JMJD1C: variants seen among roughly 807,000 people sequenced by gnomAD.
The protein encoded by JMJD1C is jumonji domain-containing protein 1C.
JMJD1C carries 31 observed loss-of-function variants against 245.3 expected under a neutral mutation model. That is an observed-to-expected ratio of 0.13 (90% confidence interval 0.09 to 0.17). The LOEUF is 0.17. JMJD1C is among the 10% of genes least tolerant of loss of function. JMJD1C has a pLI of 1.00. For missense variants in JMJD1C, 2,691 were observed against 3,000.2 expected, an observed-to-expected ratio of 0.90 and a Z score of 2.41; for synonymous variants, 1,057 against 1,017.4, an observed-to-expected ratio of 1.04 and a Z score of -0.74.
At chr10:63,383,264 T>A (rs1001097171) in intron 1 of JMJD1C, among the ~76,000 whole-genome samples, 1 of 151,376 alleles carries the variant, frequency 6.6e-6, no homozygotes, top group African/African-American at 2.4e-5. Flanking sequence ...ACTAAAGATA[T>A]TCATTAAAGC....
At chr10:63,316,153 T>G (rs150605907) in intron 2 of JMJD1C, among the ~76,000 whole-genome samples, 1 of 152,170 alleles carries the variant, frequency 6.6e-6, no homozygotes, top group East Asian at 1.9e-4. Flanking sequence ...GCCTGGGCTA[T>G]AGAGCAAGAT....
chr10:63,357,842 C>G (rs1361320982), intron 2 of JMJD1C, among the ~76,000 whole-genome samples: 3 of 147,272 alleles, frequency 2.0e-5, no homozygotes, highest in Admixed American at 6.7e-5. Flanking sequence ...CACACACACA[C>G]ACACACACAC....
chr10:63,360,188 T>A (rs1945204463), intron 2 of JMJD1C, among the ~76,000 whole-genome samples: 1 of 152,020 alleles, frequency 6.6e-6, no homozygotes, highest in African/African-American at 2.4e-5. Flanking sequence ...ATGGTGGTGG[T>A]GCATTCTTAG....
At chr10:63,454,264 T>TTC (rs1458807463) in intron 1 of JMJD1C, among the ~76,000 whole-genome samples, 1 of 151,296 alleles carries the variant, frequency 6.6e-6, no homozygotes, top group Non-Finnish European at 1.5e-5. Context: ...TTGATTTTTT[T>TTC]TTTTTTTCTT....
chr10:63,464,062 G>C (rs1322849639), intron 1 of JMJD1C, among the ~76,000 whole-genome samples: 1 of 151,896 alleles, frequency 6.6e-6, no homozygotes, highest in African/African-American at 2.4e-5. Flanking sequence ...CTGGGCTCTA[G>C]CAATCCTCTT....
chr10:63,290,738 G>A (rs1172667259), intron 2 of JMJD1C, among the ~76,000 whole-genome samples: 2 of 152,052 alleles, frequency 1.3e-5, no homozygotes, highest in Non-Finnish European at 2.9e-5. Context: ...GTAGCAAAAT[G>A]CTTGCAATTT....
At chr10:63,489,600 C>T (rs1386266368) in intron 1 of JMJD1C, 1 of 156,474 alleles carries the variant, frequency 6.4e-6, no homozygotes, top group East Asian at 1.8e-4. Context: ...AGAGGAGTAA[C>T]TGTTGGATGG....
chr10:63,502,648 A>G (rs1319296721), intron 1 of JMJD1C, among the ~76,000 whole-genome samples: 5 of 151,644 alleles, frequency 3.3e-5, no homozygotes, highest in African/African-American at 1.2e-4. Context: ...AAAAAAAAAA[A>G]AAAAAAAAAA....
chr10:63,286,518 T>G (rs1459121965), intron 2 of JMJD1C, among the ~76,000 whole-genome samples: 1 of 152,208 alleles, frequency 6.6e-6, no homozygotes, highest in African/African-American at 2.4e-5. Flanking sequence ...CTGGTCACTT[T>G]GCTCACTCAA....
At chr10:63,375,459 C>T (rs558549894) in intron 2 of JMJD1C, among the ~76,000 whole-genome samples, 36 of 151,936 alleles carry the variant, frequency 2.4e-4, no homozygotes, top group African/African-American at 7.7e-4. Flanking sequence ...AACTACAAAA[C>T]ATAACTGAGC....
At chr10:63,467,246 C>T (rs968186088), upstream of JMJD1C, among the ~76,000 whole-genome samples, 2 of 151,518 alleles carry the variant, frequency 1.3e-5, no homozygotes, top group Admixed American at 1.3e-4. Context: ...CGGTGCCTCA[C>T]GCCTGTAATC....
chr10:63,521,588 C>T, intron 1 of JMJD1C: 1 of 1,411,120 alleles, frequency 7.1e-7, no homozygotes, highest in Non-Finnish European at 9.3e-7. Context: ...GTAAGTGCCT[C>T]TCACTGCGCC....
At chr10:63,453,318 C>A (rs190281711) in intron 1 of JMJD1C, among the ~76,000 whole-genome samples, 4 of 152,216 alleles carry the variant, frequency 2.6e-5, no homozygotes, top group Admixed American at 1.3e-4. Flanking sequence ...AGTTTTGTTA[C>A]ATATATTTTA....
chr10:63,270,844 G>C (rs1056338127), intron 2 of JMJD1C, among the ~76,000 whole-genome samples: 16 of 152,126 alleles, frequency 1.1e-4, no homozygotes, highest in Non-Finnish European at 2.9e-5. Flanking sequence ...ATAAATCAAA[G>C]AGCAGAGATG....
In JMJD1C at chr10:63,213,493, C is replaced by A. The variant is rs775669482; in HGVS notation, c.2674G>T (p.Ala892Ser). The change falls in exon 8 of 26, where the codon GCT (alanine) becomes TCT (serine). Residue 892 changes from alanine (A) to serine (S), a missense_variant. Ala to Ser is a moderately conservative substitution (Grantham distance 99, BLOSUM62 1). Coordinates refer to ENST00000399262, the MANE Select transcript of JMJD1C (RefSeq NM_032776.3). Reference sequence around the variant, plus strand: ...CTTACCCTCCTTAATGAAGCTTCAGCATTAACTGCATTTTCTGGGTGAACC... The same window carrying A: ...CTTACCCTCCTTAATGAAGCTTCAGAATTAACTGCATTTTCTGGGTGAACC... ...KWVHPENAVN[A>S]EASLRRNSPS... 2 of 1,598,628 alleles carry A rather than the reference C, an allele frequency of 1.3e-6. No homozygotes were observed. The highest frequency in any genetic ancestry group is 2.2e-5 in the East Asian group (1 of 44,516).
chr10:63,233,961 T>C (rs1850338146), intron 3 of JMJD1C, among the ~76,000 whole-genome samples: 1 of 152,094 alleles, frequency 6.6e-6, no homozygotes, highest in East Asian at 1.9e-4. Context: ...TGCCAACAAT[T>C]TATTCACAGT....
At chr10:63,373,933 T>C (rs1041922809) in intron 2 of JMJD1C, among the ~76,000 whole-genome samples, 1 of 152,194 alleles carries the variant, frequency 6.6e-6, no homozygotes, top group Non-Finnish European at 1.5e-5. Context: ...TTGACTATTT[T>C]CTTAATTATT....
intron 3 of JMJD1C, chr10:63,222,849 A>G (rs1848766801): frequency 3.5e-6 from 5 of 1,443,310 alleles, no homozygotes; most frequent in Non-Finnish European, 3.9e-6. Flanking sequence ...AAAAGTACAC[A>G]TGCTGGATCA....
At chr10:63,243,949 T>C (rs1388777345) in intron 3 of JMJD1C, among the ~76,000 whole-genome samples, 1 of 152,134 alleles carries the variant, frequency 6.6e-6, no homozygotes, top group Admixed American at 6.5e-5. Flanking sequence ...CAACTTATGG[T>C]TTCTACAACA....
Sources: gnomAD v4.1 joint callset for allele counts (sites outside exome capture counted in the v4.1 genomes callset) on GRCh38, gnomAD v4.1.1 for gene constraint, MANE v1.5 for transcripts, NCBI Gene and HGNC (gene_info 2026-07-23, HGNC 2026-07-21) for gene names.